Variants in CCNA2 observed in about 807,000 individuals in gnomAD.
CCNA2 encodes cyclin A2.
CCNA2 carries 3 observed loss-of-function variants against 49.4 expected under a neutral mutation model. The observed-to-expected ratio is 0.06, with a 90% CI of 0.03 to 0.16. The LOEUF is 0.16. Ranked by LOEUF, CCNA2 falls within the 10% of genes least tolerant of loss-of-function variation. The probability of loss-of-function intolerance (pLI) is 1.00; values close to 1 mark genes in which losing one functional copy is unlikely to be tolerated. For missense variants in CCNA2, 372 were observed against 519.7 expected (o/e 0.72, Z 2.76); for synonymous variants, 206 against 197.2 (o/e 1.04, Z -0.37).
In CCNA2 at chr4:121,817,698, GA is replaced by G. The variant is rs370571856; in HGVS notation, c.1251-13del. On this transcript the variant is annotated splice_polypyrimidine_tract_variant and intron_variant, in intron 7 of 7. Coordinates refer to ENST00000274026, the MANE Select transcript of CCNA2 (RefSeq NM_001237.5). The stretch of plus-strand genomic sequence containing the variant: ...AAACACCATGATACCTGTAAGTAGG[GA>G]AAAAAAAAGCATTTTTAGTAAACAC... The G allele has an allele frequency of 1.5e-3, 2,337 of 1,599,518 alleles. 28 individuals carry two copies. The African/African-American group carries it at 0.025, about 17-fold the overall frequency.
chr4:121,818,869 C>A lies in CCNA2; in HGVS notation c.1047G>T (p.Lys349Asn), dbSNP rs1325089851. The change falls in exon 6 of 8, where the codon AAG becomes AAT. Residue 349 changes from lysine to asparagine, a missense_variant. Lys to Asn is a moderately conservative substitution (Grantham distance 94). Transcript: ENST00000274026. The part of the protein sequence containing the change: ...LSLIDADPYL[K>N]YLPSVIAGAA... ...CTCCAGCAATAACTGATGGCAAATA[C>A]TTGAGGTATGGGTCAGCATCTATCA... 1.2e-6 allele frequency: 2 copies of A among 1,613,740 alleles called. No homozygotes were observed. Among genetic ancestry groups the A allele is most frequent in the Non-Finnish European group, 1.7e-6 (2 of 1,179,646 alleles).
chr4:121,816,885 A>T lies in CCNA2; in HGVS notation c.*753T>A. Reference sequence around the variant, plus strand: ...TAACAGTTGTATATCTGTATATATAACTATTAAAAGGGATATTTATTCCAT... The same window carrying T: ...TAACAGTTGTATATCTGTATATATATCTATTAAAAGGGATATTTATTCCAT... On this transcript the variant is annotated 3_prime_UTR_variant, in exon 8 of 8. Coordinates refer to ENST00000274026, the MANE Select transcript of CCNA2 (RefSeq NM_001237.5). The T allele has an allele frequency of 6.6e-7, 1 of 1,511,896 alleles. No individual in the cohort carries two copies. Among genetic ancestry groups the T allele is most frequent in the East Asian group, 2.4e-5 (1 of 41,434 alleles). 93.7% of individuals were successfully genotyped at this position (1,511,896 alleles called of 1,614,324 possible). A position where few individuals can be genotyped will look rare whatever the true frequency, so the allele number is the denominator to read the frequency against.
chr4:121,817,067 T>G lies in CCNA2; in HGVS notation c.*571A>C. The stretch of plus-strand genomic sequence containing the variant: ...ATATAAGCTTCCCACCCTCTTCCAC[T>G]CCCAACCTCTGTTGAGTTTACCTCG... On this transcript the variant is annotated 3_prime_UTR_variant, in exon 8 of 8. Coordinates refer to ENST00000274026, the MANE Select transcript of CCNA2 (RefSeq NM_001237.5). 1 of 500,832 alleles carries G rather than the reference T, an allele frequency of 2.0e-6. No individual in the cohort carries two copies. Among genetic ancestry groups the G allele is most frequent in the Non-Finnish European group, 3.5e-6 (1 of 289,802 alleles). The allele number at this position is 500,832 out of a possible 1,614,324, so 31.0% of individuals were successfully genotyped here.
chr4:121,816,709 C>G lies in CCNA2; in HGVS notation c.*929G>C, dbSNP rs1293364028. On this transcript the variant is annotated 3_prime_UTR_variant, in exon 8 of 8. Transcript: ENST00000274026. ...CCTACTGGAAAACTAAGAAATGCCT[C>G]TTATTTCAATAATCCAAAACTTAAC... 1 of 1,472,722 alleles carries G rather than the reference C, an allele frequency of 6.8e-7. No homozygotes were observed. The highest frequency in any genetic ancestry group is 9.0e-7 in the Non-Finnish European group (1 of 1,109,352). 91.2% of individuals were successfully genotyped at this position (1,472,722 alleles called of 1,614,324 possible).
At chr4:121,817,999 C>T (rs750598338) in intron 7 of CCNA2, 45 bp downstream of exon 7, 5 of 1,554,742 alleles carry the variant, frequency 3.2e-6, no homozygotes, top group Non-Finnish European at 3.5e-6. Flanking sequence ...GATCTCTGAA[C>T]CATAATCTAG....
In CCNA2 at chr4:121,816,833, AAAAAG is replaced by A. The variant is rs1387814332; in HGVS notation, c.*800_*804del. 6.9e-6 allele frequency: 11 copies of A among 1,597,232 alleles called. No homozygotes were observed. The highest frequency in any genetic ancestry group is 2.2e-5 in the East Asian group (1 of 44,560). On this transcript the variant is annotated 3_prime_UTR_variant, in exon 8 of 8. Transcript: ENST00000274026. The stretch of plus-strand genomic sequence containing the variant: ...AAGTAAAAAGCCAGTGAAAAGAAGA[AAAAAG>A]AAGAGAGCTGCCAATTAAAGCTAAC...
At position 121,818,151 on chromosome 4, in the gene CCNA2, T is replaced by G. The variant is rs1441340007; in HGVS notation, c.1143A>C (p.Gly381=). 1.2e-6 allele frequency: 2 copies of G among 1,613,648 alleles called. No homozygotes were observed. The highest frequency in any genetic ancestry group is 1.1e-5 in the South Asian group (1 of 91,004). Residue 381 remains glycine, a synonymous_variant, in exon 7 of 8, where the codon GGA becomes GGC. Coordinates refer to ENST00000274026, the MANE Select transcript of CCNA2 (RefSeq NM_001237.5). The part of the protein sequence containing the change: ...SWPESLIRKT[G]YTLESLKPCL... ...AAGGCTTAAGACTTTCCAGGGTATA[T>G]CCAGTCTTTCGTATTAATGATTCAG...
rs750044692 is a variant in CCNA2, at chr4:121,823,504, T to C, written c.125A>G (p.Gln42Arg). 5.6e-6 allele frequency: 9 copies of C among 1,613,280 alleles called. No individual in the cohort carries two copies. The highest frequency in any genetic ancestry group is 1.6e-4 in the Middle Eastern group (1 of 6,084). Residue 42 changes from glutamine to arginine, a missense_variant, in exon 1 of 8, where the codon CAA becomes CGA. Transcript: ENST00000274026. Reference protein sequence around the residue: ...NINPEKAAPVQQPRTRAALAV... With the variant: ...NINPEKAAPVRQPRTRAALAV... ...CAGCGCGGCCCGGGTCCGCGGTTGT[T>C]GGACGGGCGCTGCCTTTTCCGGGTT...
rs960754399 is a variant in CCNA2 at position 121,823,811 on chromosome 4, T to C, written c.-183A>G. ...CGAGACCACGCAGGGCCGAGGAGGTTGCGAAAGGCGCAGGCAGGCACTGCC... is the reference window on the plus strand; with the variant it reads ...CGAGACCACGCAGGGCCGAGGAGGTCGCGAAAGGCGCAGGCAGGCACTGCC... On this transcript the variant is annotated 5_prime_UTR_variant, in exon 1 of 8. Coordinates refer to ENST00000274026, the MANE Select transcript of CCNA2 (RefSeq NM_001237.5). 3.7e-5 allele frequency: 44 copies of C among 1,187,234 alleles called. No homozygotes were observed. Among genetic ancestry groups the C allele is most frequent in the Non-Finnish European group, 4.7e-5 (42 of 884,816 alleles). The allele number at this position is 1,187,234 out of a possible 1,614,324, so 73.5% of individuals were successfully genotyped here.
rs770285933 is a variant in CCNA2 at position 121,820,347 on chromosome 4, C to T, written c.794+195G>A. Among the ~76,000 whole-genome samples the T allele has an allele frequency of 1.5e-4, 23 of 152,108 alleles. No homozygotes were observed. Among genetic ancestry groups the T allele is most frequent in the Non-Finnish European group, 2.9e-4 (20 of 68,022 alleles). ...TGTACTATATCATGTTCAAGGAATC[C>T]AGTTGGGGGAAAATTAGTGTTCTAG... is the stretch of plus-strand genomic sequence containing the variant. On this transcript the variant is annotated intron_variant, in intron 4 of 7. Coordinates refer to ENST00000274026, the MANE Select transcript of CCNA2 (RefSeq NM_001237.5). The surrounding 1 kb of genome is among the most constrained non-coding windows in gnomAD (Gnocchi z 4.1).
chr4:121,823,835 C>T lies in CCNA2; in HGVS notation c.-207G>A, dbSNP rs1382061114. ...TTGCGAAAGGCGCAGGCAGGCACTG[C>T]CCAGCGTGGCGAGCCAAAGACGCCC... is the stretch of plus-strand genomic sequence containing the variant. On this transcript the variant is annotated 5_prime_UTR_variant, in exon 1 of 8. Transcript: ENST00000274026. 4 of 912,818 alleles carry T rather than the reference C, an allele frequency of 4.4e-6. No individual in the cohort carries two copies. Among genetic ancestry groups the T allele is most frequent in the Non-Finnish European group, 6.2e-6 (4 of 645,400 alleles). 56.5% of individuals were successfully genotyped at this position (912,818 alleles called of 1,614,324 possible). A position where few individuals can be genotyped will look rare whatever the true frequency, so the allele number is the denominator to read the frequency against.
Position 121,816,633 on chromosome 4 carries a change from A to C in CCNA2, c.*1005T>G. 1 of 910,578 alleles carries C rather than the reference A, an allele frequency of 1.1e-6. No homozygotes were observed. The highest frequency in any genetic ancestry group is 1.6e-6 in the Non-Finnish European group (1 of 625,272). 56.4% of individuals were successfully genotyped at this position (910,578 alleles called of 1,614,324 possible). On this transcript the variant is annotated 3_prime_UTR_variant, in exon 8 of 8. Transcript: ENST00000274026. ...TATAAAAATTAGGACCTAAATCTAT[A>C]ATATAAACTTCTTGGATGCCAGTCT...
Position 121,822,560 on chromosome 4 carries a change from G to T in CCNA2, c.300C>A (p.Thr100=), listed in dbSNP as rs1351679424. 3.1e-6 allele frequency: 5 copies of T among 1,614,120 alleles called. No homozygotes were observed. Among genetic ancestry groups the T allele is most frequent in the Non-Finnish European group, 4.2e-6 (5 of 1,180,030 alleles). ...CTTTTTCTGCTTCATCCACATGAATGGTGAACGCAGGCTGTTTACTGTTTG... is the reference window on the plus strand; with the variant it reads ...CTTTTTCTGCTTCATCCACATGAATTGTGAACGCAGGCTGTTTACTGTTTG... The part of the protein sequence containing the change: ...WKANSKQPAF[T]IHVDEAEKEA... The change falls in exon 2 of 8, where the codon ACC becomes ACA. Residue 100 remains threonine (T), a synonymous_variant. Coordinates refer to ENST00000274026, the MANE Select transcript of CCNA2 (RefSeq NM_001237.5).
intron 7 of CCNA2, 22 bp from the exon 8 acceptor site, chr4:121,817,708 G>C (rs770197303): frequency 6.2e-6 from 10 of 1,612,160 alleles, no homozygotes; most frequent in Non-Finnish European, 7.6e-6. Context: ...GAAAAAAAAA[G>C]CATTTTTAGT....
At chr4:121,822,048 C>G (rs1724703302) in intron 2 of CCNA2, among the ~76,000 whole-genome samples, 1 of 152,160 alleles carries the variant, frequency 6.6e-6, no homozygotes, top group African/African-American at 2.4e-5. Context: ...ACTGCATCTT[C>G]AAATAGCACT....
intron 7 of CCNA2, 54 bp downstream of exon 7, chr4:121,817,990 A>T: frequency 1.3e-6 from 2 of 1,516,480 alleles, no homozygotes; most frequent in Non-Finnish European, 1.8e-6. Flanking sequence ...AATGTCAAAG[A>T]TCTCTGAACC....
rs1217365322 is a variant in CCNA2, at chr4:121,820,701, G to A, written c.635C>T (p.Ala212Val). 1 of 1,613,794 alleles carries A rather than the reference G, an allele frequency of 6.2e-7. No homozygotes were observed. Among genetic ancestry groups the A allele is most frequent in the African/African-American group, 1.3e-5 (1 of 74,914 alleles). ...KQPDITNSMR[A>V]ILVDWLVEVG... Reference sequence around the variant, plus strand: ...TTCAACTAACCAGTCCACGAGGATAGCTCTCATACTGTTAGTGATGTCTGG... The same window carrying A: ...TTCAACTAACCAGTCCACGAGGATAACTCTCATACTGTTAGTGATGTCTGG... Residue 212 changes from alanine (A) to valine (V), a missense_variant, in exon 4 of 8, where the codon GCT (alanine) becomes GTT (valine). Ala to Val is a moderately conservative substitution (Grantham distance 64). Coordinates refer to ENST00000274026, the MANE Select transcript of CCNA2 (RefSeq NM_001237.5). This position sits in a 1 kb window ranked among gnomAD's most constrained non-coding sequence, Gnocchi z 4.1.
chr4:121,822,611 C>T lies in CCNA2; in HGVS notation c.249G>A (p.Glu83=), dbSNP rs201101230. 2.1e-4 allele frequency: 337 copies of T among 1,613,980 alleles called. 3 individuals are homozygous for T. In the East Asian group the frequency reaches 6.6e-3, roughly 31 times the overall value. Residue 83 remains glutamate (E), a synonymous_variant, in exon 2 of 8, where the codon GAG becomes GAA. Coordinates refer to ENST00000274026, the MANE Select transcript of CCNA2 (RefSeq NM_001237.5). ...CTTTCCAAGGAGGAACGGTGACATG[C>T]TCATCATTTACAGGAAGATCCTTAA... ...APLKDLPVND[E]HVTVPPWKAN... is the part of the protein sequence containing the mutation.
chr4:121,823,648 C>T lies in CCNA2; in HGVS notation c.-20G>A, dbSNP rs754499029. 4.5e-6 allele frequency: 7 copies of T among 1,554,274 alleles called. No individual in the cohort carries two copies. Among genetic ancestry groups the T allele is most frequent in the Admixed American group, 3.8e-5 (2 of 52,786 alleles). The stretch of plus-strand genomic sequence containing the variant: ...CAACATCACTGCTCCCGGGAGTGGA[C>T]GGCGGGATCAGCCTGCGGCGCCAAG... On this transcript the variant is annotated 5_prime_UTR_variant, in exon 1 of 8. Transcript: ENST00000274026.
Sources: gnomAD v4.1 joint callset for allele counts (sites outside exome capture counted in the v4.1 genomes callset) on GRCh38, gnomAD v4.1.1 for gene constraint, Gnocchi (gnomAD v3.1) non-coding constraint, MANE v1.5 for transcripts, NCBI Gene and HGNC (gene_info 2026-07-23, HGNC 2026-07-21) for gene names.